PCDHGA9: variants seen among roughly 807,000 people sequenced by gnomAD.
The protein encoded by PCDHGA9 is protocadherin gamma-A9.
Under a neutral mutation model 62.5 loss-of-function variants are expected in PCDHGA9, and 37 were observed. That is an observed-to-expected ratio of 0.59 (90% CI 0.46 to 0.78). The LOEUF (loss-of-function observed/expected upper bound fraction) is 0.78. Ranked by LOEUF, PCDHGA9 falls within the 30% of genes least tolerant of loss-of-function variation. PCDHGA9 has a pLI of 0.00. For synonymous variants in PCDHGA9, 459 were observed against 484.6 expected, an observed-to-expected ratio of 0.95 and a Z score of 0.69; for missense variants, 1,138 against 1,166.2, an observed-to-expected ratio of 0.98 and a Z score of 0.35.
chr5:141,413,806 A>C, intron 1 of PCDHGA9: 1 of 1,613,168 alleles, frequency 6.2e-7, no homozygotes. Flanking sequence ...GGAAGAGGCC[A>C]TTCACCACCT....
Position 141,485,119 on chromosome 5 carries a change from C to A in PCDHGA9, c.2425-9688C>A. 3.0e-6 allele frequency: 4 copies of A among 1,328,812 alleles called. No homozygotes were observed. Among genetic ancestry groups the A allele is most frequent in the Non-Finnish European group, 4.3e-6 (4 of 935,940 alleles). The allele number at this position is 1,328,812 out of a possible 1,614,324, so 82.3% of individuals were successfully genotyped here. ...CTCCAGCTGCTGTGGCTGTTTGGGG[C>A]GGGTCGGCTTCATCCGCGTCTCAGG... On this transcript the variant is annotated intron_variant, in intron 1 of 3. Transcript: ENST00000573521. This position sits in a 1 kb window ranked among gnomAD's most constrained non-coding sequence, Gnocchi z 5.7.
At chr5:141,441,663 G>A (rs777315226) in intron 1 of PCDHGA9, 20 of 260,482 alleles carry the variant, frequency 7.7e-5, no homozygotes, top group Non-Finnish European at 1.2e-4. Context: ...GTCCTTGAGC[G>A]CACAGTGCGC....
chr5:141,471,786 A>AT (rs531568169), intron 1 of PCDHGA9, among the ~76,000 whole-genome samples: 23 of 152,362 alleles, frequency 1.5e-4, no homozygotes, highest in African/African-American at 5.5e-4. Flanking sequence ...ACATTATGCT[A>AT]TGTCATATAA....
chr5:141,456,157 A>G (rs1307977690), intron 1 of PCDHGA9, among the ~76,000 whole-genome samples: 3 of 152,052 alleles, frequency 2.0e-5, no homozygotes, highest in Admixed American at 1.3e-4. Context: ...TCGGCCTCCT[A>G]AAGTGCTGGG....
chr5:141,485,654 G>A lies in PCDHGA9; in HGVS notation c.2425-9153G>A, dbSNP rs2099617203. 6.2e-7 allele frequency: 1 copy of A among 1,612,482 alleles called. No individual in the cohort carries two copies. The highest frequency in any genetic ancestry group is 8.5e-7 in the Non-Finnish European group (1 of 1,178,842). On this transcript the variant is annotated intron_variant, in intron 1 of 3. Coordinates refer to ENST00000573521, the MANE Select transcript of PCDHGA9 (RefSeq NM_018921.3). The surrounding 1 kb of genome is among the most constrained non-coding windows in gnomAD (Gnocchi z 5.7). ...CCCGTTGGAAAAGGCTCAGGATGCA[G>A]ATGTGGGGAGCAATTCGATTAGCAG... is the stretch of plus-strand genomic sequence containing the variant.
intron 1 of PCDHGA9, among the ~76,000 whole-genome samples, chr5:141,462,218 C>T (rs2099034952): frequency 6.6e-6 from 1 of 152,180 alleles, no homozygotes; most frequent in African/African-American, 2.4e-5. Context: ...CCTCGGCCTC[C>T]CAAAGTGCAG....
At chr5:141,441,827 A>G (rs1344314632) in intron 1 of PCDHGA9, 1 of 355,628 alleles carries the variant, frequency 2.8e-6, no homozygotes, top group Non-Finnish European at 5.6e-6. Flanking sequence ...CTGGAGCGCA[A>G]TGGCTTCGCG....
At chr5:141,456,119 C>G (rs902179639) in intron 1 of PCDHGA9, among the ~76,000 whole-genome samples, 3 of 151,826 alleles carry the variant, frequency 2.0e-5, no homozygotes, top group Non-Finnish European at 4.4e-5. Flanking sequence ...GGATGGTCTC[C>G]ATCTCCTGAC....
rs773668506 is a variant in PCDHGA9, at chr5:141,403,746, C to T, written c.794C>T (p.Thr265Ile). ...CCAGGCACCTGGCTGCTTACTGCAACAGCCAGCGACCTGGATGAGGGAATC... is the reference window on the plus strand; with the variant it reads ...CCAGGCACCTGGCTGCTTACTGCAATAGCCAGCGACCTGGATGAGGGAATC... ...VPPGTWLLTATASDLDEGING... is the reference protein window; with the variant it reads ...VPPGTWLLTAIASDLDEGING... The change falls in exon 1 of 4, where the codon ACA becomes ATA. Residue 265 changes from threonine to isoleucine, a missense_variant. Physicochemically the swap from Thr to Ile is moderately conservative, Grantham distance 89 (BLOSUM62 -1). Coordinates refer to ENST00000573521, the MANE Select transcript of PCDHGA9 (RefSeq NM_018921.3). The T allele has an allele frequency of 6.2e-7, 1 of 1,613,904 alleles. No individual in the cohort carries two copies. Among genetic ancestry groups the T allele is most frequent in the South Asian group, 1.1e-5 (1 of 91,080 alleles).
chr5:141,501,715 C>G lies in PCDHGA9; in HGVS notation c.2484-3678C>G, dbSNP rs139761188. On this transcript the variant is annotated intron_variant, in intron 2 of 3. Coordinates refer to ENST00000573521, the MANE Select transcript of PCDHGA9 (RefSeq NM_018921.3). ...AGGGTGATTCCGAGGATAAAAAAGA[C>G]AAATATATTACCCAGTCAGCTTAGA... 1.3e-3 allele frequency among the ~76,000 whole-genome samples: 192 copies of G among 152,192 alleles called. 1 individual carries two copies. The highest frequency in any genetic ancestry group is 4.5e-3 in the African/African-American group (185 of 41,512).
At position 141,486,135 on chromosome 5, in the gene PCDHGA9, G is replaced by A. The variant is rs145871538; in HGVS notation, c.2425-8672G>A. ...GAGAATTACTATGAATTTGATGTGC[G>A]GGCTCGCGATGGGGGTTCTCCAGCC... On this transcript the variant is annotated intron_variant, in intron 1 of 3. Transcript: ENST00000573521. This position sits in a 1 kb window ranked among gnomAD's most constrained non-coding sequence, Gnocchi z 5.0. The A allele has an allele frequency of 1.9e-6, 3 of 1,614,168 alleles. No homozygotes were observed. Among genetic ancestry groups the A allele is most frequent in the Non-Finnish European group, 2.5e-6 (3 of 1,180,022 alleles).
At chr5:141,414,334 AC>A (rs1187631098) in intron 1 of PCDHGA9, 2 of 1,613,782 alleles carry the variant, frequency 1.2e-6, no homozygotes, top group South Asian at 2.2e-5. Context: ...TGGACAGGTA[AC>A]CTGTTCCATT....
chr5:141,489,794 T>TA lies in PCDHGA9; in HGVS notation c.2425-5009dup. The TA allele has an allele frequency of 1.2e-6, 2 of 1,614,120 alleles. No homozygotes were observed. The highest frequency in any genetic ancestry group is 2.2e-5 in the South Asian group (2 of 91,076). The stretch of plus-strand genomic sequence containing the variant: ...CACTTCTCTCTGAATGTGAAGACCC[T>TA]AAAAGATGGGAAGCCATTCCCAGAG... On this transcript the variant is annotated intron_variant, in intron 1 of 3. Transcript: ENST00000573521. This position sits in a 1 kb window ranked among gnomAD's most constrained non-coding sequence, Gnocchi z 4.5.
chr5:141,505,413 C>G lies in PCDHGA9; in HGVS notation c.2504C>G (p.Thr835Ser). ...CCCAGCTCCCAAAATGGCGATGACA[C>G]CGGCACCTGGCCCAACAACCAGTTT... Reference protein sequence around the residue: ...GTSGSQNGDDTGTWPNNQFDT... With the variant: ...GTSGSQNGDDSGTWPNNQFDT... Residue 835 changes from threonine to serine, a missense_variant, in exon 3 of 4, where the codon ACC (threonine) becomes AGC (serine). Physicochemically the swap from Thr to Ser is moderately conservative, Grantham distance 58. Coordinates refer to ENST00000573521, the MANE Select transcript of PCDHGA9 (RefSeq NM_018921.3). 2.5e-6 allele frequency: 4 copies of G among 1,614,202 alleles called. No individual in the cohort carries two copies. In the South Asian group the frequency reaches 4.4e-5, roughly 18 times the overall value.
intron 2 of PCDHGA9, among the ~76,000 whole-genome samples, chr5:141,500,027 G>C (rs1458308566): frequency 6.6e-6 from 1 of 151,808 alleles, no homozygotes; most frequent in Non-Finnish European, 1.5e-5. Flanking sequence ...ATATTTGAGT[G>C]AGTGTCTCTT....
In PCDHGA9 at chr5:141,430,862, G is replaced by A. The variant is rs1365140768; in HGVS notation, c.2424+25486G>A. ...CGGATGCACCCAGATACGCTATTCA[G>A]TTCCGGAAGAGCTGGAGAAAGGCTC... is the stretch of plus-strand genomic sequence containing the variant. On this transcript the variant is annotated intron_variant, in intron 1 of 3. Transcript: ENST00000573521. 3 of 1,594,672 alleles carry A rather than the reference G, an allele frequency of 1.9e-6. No individual in the cohort carries two copies. The African/African-American group carries it at 4.0e-5, about 21-fold the overall frequency.
chr5:141,482,546 A>C (rs1489817593), intron 1 of PCDHGA9, among the ~76,000 whole-genome samples: 1 of 151,868 alleles, frequency 6.6e-6, no homozygotes, highest in African/African-American at 2.4e-5. Context: ...AAAAAAAAAA[A>C]AAAGATAATG....
chr5:141,433,401 A>ATCTATCTATCTATCTC (rs1444244130), intron 1 of PCDHGA9, among the ~76,000 whole-genome samples: 1 of 150,482 alleles, frequency 6.6e-6, no homozygotes, highest in African/African-American at 2.4e-5. Context: ...CTATCTATCT[A>ATCTATCTATCTATCTC]TCTATTACTT....
rs769461165 is a variant in PCDHGA9, at chr5:141,491,293, C to G, written c.2425-3514C>G. 2 of 1,614,048 alleles carry G rather than the reference C, an allele frequency of 1.2e-6. No individual in the cohort carries two copies. Among genetic ancestry groups the G allele is most frequent in the Admixed American group, 3.3e-5 (2 of 60,008 alleles). ...ATCCAGTGACTTCCTCATACACCCT[C>G]CTGAGCGTTCAGACCTTACCCTTTA... On this transcript the variant is annotated intron_variant, in intron 1 of 3. Coordinates refer to ENST00000573521, the MANE Select transcript of PCDHGA9 (RefSeq NM_018921.3). This position sits in a 1 kb window ranked among gnomAD's most constrained non-coding sequence, Gnocchi z 6.9.
Sources: gnomAD v4.1 joint callset for allele counts (sites outside exome capture counted in the v4.1 genomes callset) on GRCh38, gnomAD v4.1.1 for gene constraint, Gnocchi (gnomAD v3.1) non-coding constraint, MANE v1.5 for transcripts, NCBI Gene and HGNC (gene_info 2026-07-23, HGNC 2026-07-21) for gene names.